NEMP2: variants seen among roughly 807,000 people sequenced by gnomAD.
The protein encoded by NEMP2 is nuclear envelope integral membrane protein 2, also known as UPF0571 transmembrane protein.
In NEMP2, 53 loss-of-function variants were observed where a neutral mutation model predicts 54.2. The ratio of observed to expected loss-of-function variants is 0.98; its 90% CI spans 0.78 to 1.23. NEMP2 has a LOEUF of 1.23. NEMP2 is among the 50% of genes most tolerant of loss of function. NEMP2 has a pLI of 0.00. For missense variants in NEMP2, 455 were observed against 511.3 expected (o/e 0.89, Z 1.06); for synonymous variants, 197 against 190.3 (o/e 1.04, Z -0.29).
At chr2:190,629,389 C>T in the NEMP2 span, among the ~76,000 whole-genome samples, 4 of 152,100 alleles carry the variant, frequency 2.6e-5, no homozygotes, top group African/African-American at 4.8e-5. Flanking sequence ...GGATCTAGTT[C>T]GAGGCACTAA....
the NEMP2 span, chr2:190,442,599 G>A: frequency 6.6e-6 from 1 of 152,234 alleles, no homozygotes; most frequent in Admixed American, 6.5e-5. Flanking sequence ...ATTGAGGGAA[G>A]GAATAGATCT....
chr2:190,481,994 C>T, the NEMP2 span, among the ~76,000 whole-genome samples: 1 of 152,166 alleles, frequency 6.6e-6, no homozygotes. Flanking sequence ...TATTTCCCAG[C>T]CTCCCTTGCA....
In NEMP2 at chr2:190,523,595, T is replaced by C. The variant is rs1690827113; in HGVS notation, c.213+1668A>G. ...TAGTAGCAATGAACACACCTAATGT[T>C]GACTGTTCCTTGGAAAAAAAATGTT... On this transcript the variant is annotated intron_variant, in intron 2 of 8. Coordinates refer to ENST00000409150, the MANE Select transcript of NEMP2 (RefSeq NM_001142645.2). This position sits in a 1 kb window ranked among gnomAD's most constrained non-coding sequence, Gnocchi z 5.3. 9.1e-6 allele frequency among the ~76,000 whole-genome samples: 1 copy of C among 110,436 alleles called. No homozygotes were observed. Among genetic ancestry groups the C allele is most frequent in the African/African-American group, 2.9e-5 (1 of 34,014 alleles). 72.5% of individuals were successfully genotyped at this position (110,436 alleles called of 152,430 possible).
At chr2:190,579,549 T>C in the NEMP2 span, among the ~76,000 whole-genome samples, 1 of 152,138 alleles carries the variant, frequency 6.6e-6, no homozygotes, top group Non-Finnish European at 1.5e-5. Context: ...CAGAATTATC[T>C]TGAATATTTA....
the NEMP2 span, among the ~76,000 whole-genome samples, chr2:190,637,707 C>G: frequency 6.6e-6 from 1 of 152,192 alleles, no homozygotes; most frequent in Non-Finnish European, 1.5e-5. The surrounding 1 kb of genome is among the most constrained non-coding windows in gnomAD (Gnocchi z 4.5). Flanking sequence ...CCTACCCAAA[C>G]CAGAACCATC....
At chr2:190,632,554 G>T in the NEMP2 span, among the ~76,000 whole-genome samples, 1 of 152,258 alleles carries the variant, frequency 6.6e-6, no homozygotes, top group East Asian at 1.9e-4. The surrounding 1 kb of genome is among the most constrained non-coding windows in gnomAD (Gnocchi z 4.8). Context: ...GCCTTGGCCA[G>T]GTTACCCTGA....
At position 190,529,210 on chromosome 2, in the gene NEMP2, G is replaced by GA. The variant is rs759548349; in HGVS notation, c.98-3833dup. ...AACAAACACAAACAAACAAAAACAT[G>GA]AATGGGAACCCATCATTTACCTGCT... On this transcript the variant is annotated intron_variant, in intron 1 of 8. Transcript: ENST00000409150. This position sits in a 1 kb window ranked among gnomAD's most constrained non-coding sequence, Gnocchi z 4.7. Among the ~76,000 whole-genome samples, 1 of 151,990 alleles carries GA rather than the reference G, an allele frequency of 6.6e-6. No individual in the cohort carries two copies. Among genetic ancestry groups the GA allele is most frequent in the Non-Finnish European group, 1.5e-5 (1 of 67,988 alleles).
At position 190,533,019 on chromosome 2, in the gene NEMP2, C is replaced by T. The variant is rs1204123244; in HGVS notation, c.97+1540G>A. 6.6e-6 allele frequency among the ~76,000 whole-genome samples: 1 copy of T among 152,210 alleles called. No homozygotes were observed. The highest frequency in any genetic ancestry group is 1.9e-4 in the East Asian group (1 of 5,204). On this transcript the variant is annotated intron_variant, in intron 1 of 8. Transcript: ENST00000409150. The surrounding 1 kb of genome is among the most constrained non-coding windows in gnomAD (Gnocchi z 4.3). The stretch of plus-strand genomic sequence containing the variant: ...TTATGTGTGTCTTTGATTAACAAAG[C>T]AGAGAAGCAGGCTGTTACTATTATA...
the NEMP2 span, among the ~76,000 whole-genome samples, chr2:190,600,512 T>G: frequency 6.6e-6 from 1 of 152,336 alleles, no homozygotes; most frequent in Admixed American, 6.5e-5. This position sits in a 1 kb window ranked among gnomAD's most constrained non-coding sequence, Gnocchi z 4.9. Flanking sequence ...GTGTGGATTC[T>G]TTATGCAGGG....
At chr2:190,569,481 T>C in the NEMP2 span, among the ~76,000 whole-genome samples, 1 of 152,202 alleles carries the variant, frequency 6.6e-6, no homozygotes, top group Non-Finnish European at 1.5e-5. Flanking sequence ...TTGCTTGTAG[T>C]TTCCCAATTT....
the NEMP2 span, chr2:190,454,312 G>A: frequency 6.6e-6 from 1 of 152,230 alleles, no homozygotes; most frequent in Admixed American, 6.5e-5. The surrounding 1 kb of genome is among the most constrained non-coding windows in gnomAD (Gnocchi z 4.6). Context: ...AGGTATTAAA[G>A]ATAGAGATAA....
the NEMP2 span, chr2:190,624,703 G>A: frequency 4.6e-5 from 7 of 152,176 alleles, no homozygotes; most frequent in African/African-American, 1.7e-4. Context: ...AATAAGCTGA[G>A]CACAGAAAGA....
chr2:190,452,491 G>C, the NEMP2 span, among the ~76,000 whole-genome samples: 1 of 152,146 alleles, frequency 6.6e-6, no homozygotes, highest in African/African-American at 2.4e-5. Context: ...GAGAATTGTA[G>C]AGTGATTAAG....
the NEMP2 span, among the ~76,000 whole-genome samples, chr2:190,590,028 T>A: frequency 6.6e-6 from 1 of 152,152 alleles, no homozygotes; most frequent in Non-Finnish European, 1.5e-5. The surrounding 1 kb of genome is among the most constrained non-coding windows in gnomAD (Gnocchi z 5.1). Flanking sequence ...CCTGGGTCCA[T>A]CACCATAATG....
rs1690482335 is a variant in NEMP2 at position 190,514,504 on chromosome 2, A to G, written c.902T>C (p.Met301Thr). Residue 301 changes from methionine (M) to threonine (T), a missense_variant, in exon 7 of 9, where the codon ATG (methionine) becomes ACG (threonine). Around this residue, in one of 3 missense-constraint regions of NEMP2, gnomAD observed 294 missense variants for 333.6 expected, o/e 0.88. Transcript: ENST00000409150. This position sits in a 1 kb window ranked among gnomAD's most constrained non-coding sequence, Gnocchi z 5.7. ...QFAYAAIILL[M>T]SSWSLHYPLR... is the part of the protein sequence containing the mutation. ...TGGGTAGTGCAGACTCCAGGAGGAC[A>G]TGAGGAGGATTATGGCTGCATAGGC... 6.4e-7 allele frequency: 1 copy of G among 1,551,608 alleles called. No homozygotes were observed. The highest frequency in any genetic ancestry group is 8.7e-7 in the Non-Finnish European group (1 of 1,147,012).
chr2:190,464,932 G>A, the NEMP2 span: 1 of 982,698 alleles, frequency 1.0e-6, no homozygotes, highest in South Asian at 4.7e-5. Flanking sequence ...GGTGGATTTA[G>A]CCATATTATA....
chr2:190,437,812 A>G, the NEMP2 span, among the ~76,000 whole-genome samples: 1 of 152,196 alleles, frequency 6.6e-6, no homozygotes, highest in South Asian at 2.1e-4. This position sits in a 1 kb window ranked among gnomAD's most constrained non-coding sequence, Gnocchi z 5.9. Context: ...GAAAAGACCT[A>G]TAGGCTACCT....
the NEMP2 span, among the ~76,000 whole-genome samples, chr2:190,640,001 A>G: frequency 1.3e-5 from 2 of 152,214 alleles, no homozygotes; most frequent in Non-Finnish European, 2.9e-5. Context: ...AACTATCTAT[A>G]ATACCATCAC....
At chr2:190,556,256 A>C in the NEMP2 span, among the ~76,000 whole-genome samples, 92 of 152,348 alleles carry the variant, frequency 6.0e-4, 2 homozygotes, top group Admixed American at 6.0e-3. Flanking sequence ...GATGCAGAAA[A>C]GGCCTTTGAC....
Sources: allele counts gnomAD v4.1 joint callset (sites outside exome capture counted in the v4.1 genomes callset), GRCh38; gene constraint gnomAD v4.1.1; regional missense constraint gnomAD v4.1.1; non-coding constraint Gnocchi (gnomAD v3.1); transcripts MANE v1.5; gene names NCBI Gene and HGNC (gene_info 2026-07-23, HGNC 2026-07-21).